PARN: variants seen among roughly 807,000 people sequenced by gnomAD.
PARN encodes poly(A)-specific ribonuclease PARN.
A neutral mutation model predicts 102.8 loss-of-function variants in PARN; 71 were observed. The ratio of observed to expected loss-of-function variants is 0.69; its 90% CI spans 0.57 to 0.84. The LOEUF is 0.84. PARN is among the 40% of genes least tolerant of loss of function. The pLI, the probability that PARN is intolerant of heterozygous loss-of-function variation, is 0.00. For missense variants in PARN, 782 were observed against 760.9 expected (o/e 1.03, Z -0.33); for synonymous variants, 261 against 252.9 (o/e 1.03, Z -0.30).
intron 7 of PARN, among the ~76,000 whole-genome samples, chr16:14,610,080 C>G (rs773508279): frequency 1.6e-4 from 25 of 152,142 alleles, no homozygotes; most frequent in Non-Finnish European, 3.5e-4. Flanking sequence ...AAAATCCACG[C>G]AGGTCTGACC....
rs191617706 is a variant in PARN, at chr16:14,571,885, C to T, written c.1262+8989G>A. Among the ~76,000 whole-genome samples the T allele has an allele frequency of 2.7e-3, 415 of 152,288 alleles. 1 individual carries two copies. The highest frequency in any genetic ancestry group is 5.0e-3 in the Non-Finnish European group (343 of 68,020). ...GCCGGGATTCAACTGTACTATACTACGCTCCACAAGATCCTGAAGTAAAGC... is the reference window on the plus strand; with the variant it reads ...GCCGGGATTCAACTGTACTATACTATGCTCCACAAGATCCTGAAGTAAAGC... On this transcript the variant is annotated intron_variant, in intron 18 of 23. Coordinates refer to ENST00000437198, the MANE Select transcript of PARN (RefSeq NM_002582.4).
intron 21 of PARN, among the ~76,000 whole-genome samples, chr16:14,520,363 T>C (rs1021870505): frequency 6.6e-6 from 1 of 152,182 alleles, no homozygotes; most frequent in African/African-American, 2.4e-5. Context: ...AGTCTATCAA[T>C]AGTTTATCAT....
chr16:14,532,551 C>T (rs953981313), intron 21 of PARN, among the ~76,000 whole-genome samples: 2 of 152,142 alleles, frequency 1.3e-5, no homozygotes, highest in African/African-American at 4.8e-5. Context: ...AACGAAAAGT[C>T]TCCCATGTCT....
chr16:14,541,228 G>A (rs1966836487), intron 21 of PARN, among the ~76,000 whole-genome samples: 1 of 150,136 alleles, frequency 6.7e-6, no homozygotes. Context: ...CCTTATGGAA[G>A]AAGCTTAGGG....
intron 23 of PARN, among the ~76,000 whole-genome samples, chr16:14,441,023 G>T (rs1353247163): frequency 6.6e-6 from 1 of 152,110 alleles, no homozygotes; most frequent in Non-Finnish European, 1.5e-5. Context: ...TCTTATTGAA[G>T]CTGACCTGGC....
intron 6 of PARN, among the ~76,000 whole-genome samples, chr16:14,612,793 CA>C (rs780229070): frequency 1.3e-5 from 2 of 151,620 alleles, no homozygotes; most frequent in Non-Finnish European, 2.9e-5. Context: ...GACAAGGTTT[CA>C]ACATGTTGGC....
Position 14,555,705 on chromosome 16 carries a change from A to G in PARN, c.1267T>C (p.Phe423Leu). 6.8e-7 allele frequency: 1 copy of G among 1,473,404 alleles called. No individual in the cohort carries two copies. The highest frequency in any genetic ancestry group is 9.2e-7 in the Non-Finnish European group (1 of 1,083,334). 91.3% of individuals were successfully genotyped at this position (1,473,404 alleles called of 1,614,324 possible). Residue 423 changes from phenylalanine (F) to leucine (L), a missense_variant, in exon 19 of 24, where the codon TTT becomes CTT. Coordinates refer to ENST00000437198, the MANE Select transcript of PARN (RefSeq NM_002582.4). ...GGGATATCCATGACCCTCATAAGAA[A>G]TAACCTACAAGAAGAAAAGACAAAC... ...KLIEPFFNKL[F>L]LMRVMDIPYL...
Position 14,551,156 on chromosome 16 carries a change from T to G in PARN, c.1480+865A>C, listed in dbSNP as rs138581992. Among the ~76,000 whole-genome samples the G allele has an allele frequency of 4.7e-3, 714 of 152,036 alleles. 10 individuals are homozygous for G. Among genetic ancestry groups the G allele is most frequent in the African/African-American group, 0.016 (675 of 41,514 alleles). ...CTTATTGGCCAGGCTCGTCTCGAAC[T>G]CCTGACCTCAGATGATCCGCCTGCC... On this transcript the variant is annotated intron_variant, in intron 21 of 23. Transcript: ENST00000437198.
intron 21 of PARN, among the ~76,000 whole-genome samples, chr16:14,488,742 A>G (rs934775123): frequency 6.6e-6 from 1 of 152,208 alleles, no homozygotes; most frequent in Non-Finnish European, 1.5e-5. Flanking sequence ...GTGTGGAGCA[A>G]CAGGATCCCC....
At chr16:14,623,301 G>C (rs982367073) in intron 5 of PARN, among the ~76,000 whole-genome samples, 1 of 151,882 alleles carries the variant, frequency 6.6e-6, no homozygotes, top group Non-Finnish European at 1.5e-5. Flanking sequence ...AGATCACGAG[G>C]TCAAGAGATC....
chr16:14,471,767 T>C (rs1221148211), intron 22 of PARN, among the ~76,000 whole-genome samples: 2 of 152,232 alleles, frequency 1.3e-5, no homozygotes, highest in Admixed American at 6.5e-5. Context: ...TTTGTCTTTT[T>C]GTGATGGGCT....
chr16:14,623,689 T>C lies in PARN; in HGVS notation c.327+3417A>G, dbSNP rs1402026449. Among the ~76,000 whole-genome samples the C allele has an allele frequency of 2.6e-5, 4 of 151,310 alleles. No homozygotes were observed. In the East Asian group the frequency reaches 5.8e-4, roughly 22 times the overall value. ...CTGTCCCCATTAAAAATACAAAAAT[T>C]AGCAGGGCGTGGTGGCAGGTGCCTG... On this transcript the variant is annotated intron_variant, in intron 5 of 23. Coordinates refer to ENST00000437198, the MANE Select transcript of PARN (RefSeq NM_002582.4).
intron 21 of PARN, among the ~76,000 whole-genome samples, chr16:14,538,844 A>G (rs1966728459): frequency 6.6e-6 from 1 of 152,130 alleles, no homozygotes; most frequent in African/African-American, 2.4e-5. Flanking sequence ...CCTAAGCTCC[A>G]CGTCCTGTCA....
chr16:14,553,675 T>C (rs868678019), intron 20 of PARN, among the ~76,000 whole-genome samples: 4 of 152,240 alleles, frequency 2.6e-5, no homozygotes, highest in Non-Finnish European at 4.4e-5. Context: ...AATCCTGATC[T>C]ACCCAAACAT....
chr16:14,466,182 C>T (rs954211361), intron 22 of PARN, among the ~76,000 whole-genome samples: 2 of 152,120 alleles, frequency 1.3e-5, no homozygotes, highest in African/African-American at 2.4e-5. Context: ...GCAGTAAGTA[C>T]ATTATTTGAG....
intron 22 of PARN, among the ~76,000 whole-genome samples, chr16:14,473,617 G>T (rs1665296616): frequency 6.6e-6 from 1 of 152,216 alleles, no homozygotes; most frequent in Non-Finnish European, 1.5e-5. Context: ...GAGGCAGTTA[G>T]AGCAGAACGG....
intron 6 of PARN, 145 bp downstream of exon 6, chr16:14,617,445 G>T: frequency 3.2e-5 from 17 of 538,122 alleles, no homozygotes; most frequent in Non-Finnish European, 4.1e-5. Context: ...GGCTGCATAT[G>T]TGTACTGGCT....
chr16:14,605,633 T>C lies in PARN; in HGVS notation c.702+851A>G, dbSNP rs201820780. 1.6e-4 allele frequency among the ~76,000 whole-genome samples: 24 copies of C among 152,308 alleles called. No homozygotes were observed. The East Asian group carries it at 4.2e-3, about 27-fold the overall frequency. ...TTTTGTGTCCACTAAAGATAAATTA[T>C]CTACCAAGATTATTTTTCTACTTTA... On this transcript the variant is annotated intron_variant, in intron 10 of 23. Transcript: ENST00000437198.
At chr16:14,575,142 C>T (rs1969042575) in intron 18 of PARN, among the ~76,000 whole-genome samples, 1 of 152,224 alleles carries the variant, frequency 6.6e-6, no homozygotes, top group Non-Finnish European at 1.5e-5. Context: ...TCATGGAGAA[C>T]TTCTGCTAGG....
Sources: allele counts gnomAD v4.1 joint callset (sites outside exome capture counted in the v4.1 genomes callset), GRCh38; gene constraint gnomAD v4.1.1; transcripts MANE v1.5; gene names NCBI Gene and HGNC (gene_info 2026-07-23, HGNC 2026-07-21).